Variants in TMED10 observed in about 807,000 individuals in gnomAD.
The protein encoded by TMED10 is transmembrane p24 trafficking protein 10.
TMED10 carries 7 observed loss-of-function variants against 23.1 expected under a neutral mutation model. The observed-to-expected ratio is 0.30, with a 90% CI of 0.17 to 0.57. The LOEUF (loss-of-function observed/expected upper bound fraction) is 0.57, where lower values mean the gene tolerates loss of function less well. Ranked by LOEUF, TMED10 falls within the 20% of genes least tolerant of loss-of-function variation. The pLI is 0.91. For missense variants in TMED10, 162 were observed against 274.8 expected, an observed-to-expected ratio of 0.59 and a Z score of 2.90; for synonymous variants, 113 against 106.9, an observed-to-expected ratio of 1.06 and a Z score of -0.35.
intron 1 of TMED10, among the ~76,000 whole-genome samples, chr14:75,160,000 T>C (rs983743199): frequency 2.0e-5 from 3 of 152,212 alleles, no homozygotes; most frequent in Non-Finnish European, 4.4e-5. Context: ...TGTGTGATGA[T>C]GCTGGAAGTT....
chr14:75,157,458 C>T (rs568075599), intron 1 of TMED10, among the ~76,000 whole-genome samples: 1 of 151,970 alleles, frequency 6.6e-6, no homozygotes, highest in African/African-American at 2.4e-5. Flanking sequence ...TTGAGACCAG[C>T]CTGGGCAATA....
chr14:75,148,135 C>T (rs1385022841), intron 2 of TMED10, among the ~76,000 whole-genome samples: 3 of 152,072 alleles, frequency 2.0e-5, no homozygotes, highest in Non-Finnish European at 4.4e-5. Context: ...TAGTAGGCAA[C>T]AACTTCGGCT....
chr14:75,168,940 A>G (rs982940246), intron 1 of TMED10, among the ~76,000 whole-genome samples: 1 of 152,216 alleles, frequency 6.6e-6, no homozygotes, highest in African/African-American at 2.4e-5. Flanking sequence ...TTATAAGCCA[A>G]TGGGACACAT....
At chr14:75,147,921 A>C in intron 2 of TMED10, 184 bp from the exon 3 acceptor site, 1 of 634,006 alleles carries the variant, frequency 1.6e-6, no homozygotes, top group South Asian at 1.8e-5. Flanking sequence ...AACATTCCAG[A>C]CAAAGCCTCT....
rs71119349 is a variant in TMED10, at chr14:75,147,185, GTTTTT to G, written c.411+474_411+478del. On this transcript the variant is annotated intron_variant, in intron 3 of 4. Transcript: ENST00000303575. The stretch of plus-strand genomic sequence containing the variant: ...ACAGCCAGAATTATTCTTCAAGGCT[GTTTTT>G]TTTTTTTTTTTTTTTTGAGATGGAG... Among the ~76,000 whole-genome samples the G allele has an allele frequency of 3.1e-4, 36 of 116,600 alleles. 1 individual carries two copies. The South Asian group carries it at 8.1e-3, about 26-fold the overall frequency. 76.5% of individuals were successfully genotyped at this position (116,600 alleles called of 152,430 possible). A position where few individuals can be genotyped will look rare whatever the true frequency, so the allele number is the denominator to read the frequency against.
intron 1 of TMED10, among the ~76,000 whole-genome samples, chr14:75,165,963 G>A (rs533933648): frequency 3.1e-4 from 46 of 149,642 alleles, no homozygotes; most frequent in Non-Finnish European, 5.0e-4. Flanking sequence ...TAGGCAATAC[G>A]TCATGCTTGA....
intron 3 of TMED10, among the ~76,000 whole-genome samples, chr14:75,136,265 C>A (rs1895748531): frequency 6.6e-6 from 1 of 152,094 alleles, no homozygotes; most frequent in Non-Finnish European, 1.5e-5. Context: ...CTCAGGCAAT[C>A]CTCTTGCCTC....
rs1895697289 is a variant in TMED10 at position 75,132,393 on chromosome 14, C to CCA, written c.*2491_*2492insTG. 1 of 119,710 alleles carries CCA rather than the reference C, an allele frequency of 8.4e-6. No homozygotes were observed. Among genetic ancestry groups the CCA allele is most frequent in the Non-Finnish European group, 1.9e-5 (1 of 53,956 alleles). The allele number at this position is 119,710 out of a possible 1,614,324, so 7.4% of individuals were successfully genotyped here. ...TTGCAGCAAGACTCCGTCCCCCCCC[C>CCA]CCCAAAAAAAAAAAAGTTTAAGGAT... On this transcript the variant is annotated 3_prime_UTR_variant, in exon 5 of 5. Transcript: ENST00000303575.
intron 1 of TMED10, among the ~76,000 whole-genome samples, chr14:75,169,624 C>A (rs1461734508): frequency 6.6e-6 from 1 of 152,036 alleles, no homozygotes; most frequent in Non-Finnish European, 1.5e-5. Flanking sequence ...TGCCATTGCA[C>A]TCCAGCCTGG....
chr14:75,140,172 C>A (rs1895804219), intron 3 of TMED10, among the ~76,000 whole-genome samples: 1 of 152,068 alleles, frequency 6.6e-6, no homozygotes, highest in African/African-American at 2.4e-5. Context: ...GTTGTTTATT[C>A]TTTTTGAGAT....
chr14:75,162,777 A>G lies in TMED10; in HGVS notation c.226-10634T>C, dbSNP rs377023634. Reference sequence around the variant, plus strand: ...ATGTTGATATGATGTGATGAAAATGACACTTTATAAGTGAATCATGGTTTT... The same window carrying G: ...ATGTTGATATGATGTGATGAAAATGGCACTTTATAAGTGAATCATGGTTTT... On this transcript the variant is annotated intron_variant, in intron 1 of 4. Coordinates refer to ENST00000303575, the MANE Select transcript of TMED10 (RefSeq NM_006827.6). Among the ~76,000 whole-genome samples, 127 of 152,300 alleles carry G rather than the reference A, an allele frequency of 8.3e-4. 1 individual carries two copies. The South Asian group carries it at 0.024, about 29-fold the overall frequency.
At chr14:75,175,902 C>T (rs993534724) in intron 1 of TMED10, 1 of 208,896 alleles carries the variant, frequency 4.8e-6, no homozygotes, top group Non-Finnish European at 9.9e-6. Flanking sequence ...CAAAGTAGCA[C>T]AGTAACTGAC....
intron 3 of TMED10, among the ~76,000 whole-genome samples, chr14:75,143,467 G>C (rs7147118): frequency 0.47 from 71,258 of 151,872 alleles, 17,609 homozygotes; most frequent in East Asian, 0.84. Flanking sequence ...AACCTCTAGG[G>C]AATCTCTAAA....
intron 1 of TMED10, 156 bp downstream of exon 1, chr14:75,176,199 C>A: frequency 8.0e-6 from 7 of 875,952 alleles, no homozygotes; most frequent in Admixed American, 2.9e-5. Context: ...AGGCAACCAG[C>A]GGGGTGAGGG....
chr14:75,160,822 G>A (rs1201668428), intron 1 of TMED10, among the ~76,000 whole-genome samples: 2 of 152,118 alleles, frequency 1.3e-5, no homozygotes, highest in African/African-American at 2.4e-5. Context: ...AAGGTGGCAC[G>A]TCATTTGAGG....
intron 1 of TMED10, among the ~76,000 whole-genome samples, chr14:75,160,871 C>T (rs1896077450): frequency 6.6e-6 from 1 of 151,910 alleles, no homozygotes; most frequent in Non-Finnish European, 1.5e-5. Context: ...ATGGCAAAAC[C>T]CTGTCTCTGC....
At chr14:75,152,608 A>G (rs1895968580) in intron 1 of TMED10, among the ~76,000 whole-genome samples, 1 of 152,234 alleles carries the variant, frequency 6.6e-6, no homozygotes, top group African/African-American at 2.4e-5. Flanking sequence ...GAATAAAATT[A>G]GGACACACAA....
At chr14:75,145,520 T>G (rs1190136076) in intron 3 of TMED10, among the ~76,000 whole-genome samples, 1 of 152,188 alleles carries the variant, frequency 6.6e-6, no homozygotes, top group Non-Finnish European at 1.5e-5. Flanking sequence ...GCGCGGTGCC[T>G]CACGCATGTA....
At chr14:75,135,983 G>A in intron 3 of TMED10, 97 bp from the exon 4 acceptor site, 1 of 1,511,656 alleles carries the variant, frequency 6.6e-7, no homozygotes, top group South Asian at 1.2e-5. Context: ...AGTTTCACCA[G>A]ATTTAAATTC....
Sources: gnomAD v4.1 joint callset for allele counts (sites outside exome capture counted in the v4.1 genomes callset) on GRCh38, gnomAD v4.1.1 for gene constraint, MANE v1.5 for transcripts, NCBI Gene and HGNC (gene_info 2026-07-23, HGNC 2026-07-21) for gene names.